The following ACSF2 variants were observed in gnomAD, a reference collection of about 807,000 sequenced individuals.
ACSF2 encodes acyl-CoA synthetase family member 2.
Under a neutral mutation model 79.3 loss-of-function variants are expected in ACSF2, and 52 were observed. That is an observed-to-expected ratio of 0.66 (90% CI 0.53 to 0.83). The LOEUF (loss-of-function observed/expected upper bound fraction) is 0.83. ACSF2 is among the 40% of genes least tolerant of loss of function. The pLI, the probability that ACSF2 is intolerant of heterozygous loss-of-function variation, is 0.00. For synonymous variants in ACSF2, 283 were observed against 312.6 expected (o/e 0.91, Z 1.00); for missense variants, 661 against 803.3 (o/e 0.82, Z 2.14).
chr17:50,439,881 A>G (rs2030754413), intron 1 of ACSF2, among the ~76,000 whole-genome samples: 1 of 152,130 alleles, frequency 6.6e-6, no homozygotes, highest in Non-Finnish European at 1.5e-5. Context: ...TTCCCTGATT[A>G]CCAGTGAGAT....
intron 1 of ACSF2, among the ~76,000 whole-genome samples, chr17:50,442,323 CAA>C (rs1491182618): frequency 1.7e-5 from 2 of 116,134 alleles, no homozygotes; most frequent in Non-Finnish European, 3.3e-5. Flanking sequence ...CAAAACAAAA[CAA>C]TTTTTTTTTT....
intron 10 of ACSF2, chr17:50,465,102 G>A (rs2032610540): frequency 8.0e-6 from 5 of 628,846 alleles, no homozygotes; most frequent in Non-Finnish European, 1.4e-5. Flanking sequence ...GATGATGCTT[G>A]AAGAAAATGG....
intron 1 of ACSF2, among the ~76,000 whole-genome samples, chr17:50,452,601 G>A (rs1326182287): frequency 6.6e-6 from 1 of 152,094 alleles, no homozygotes; most frequent in Non-Finnish European, 1.5e-5. Flanking sequence ...GTTGATAGGT[G>A]CAGCAAACCA....
At chr17:50,464,394 A>G in intron 10 of ACSF2, 100 bp downstream of exon 10, 1 of 1,221,712 alleles carries the variant, frequency 8.2e-7, no homozygotes, top group South Asian at 1.2e-5. Context: ...TTCAAAGGAG[A>G]CCCTCTCAGC....
intron 1 of ACSF2, among the ~76,000 whole-genome samples, chr17:50,451,986 T>C (rs1353679298): frequency 1.3e-5 from 2 of 152,340 alleles, no homozygotes; most frequent in South Asian, 2.1e-4. Flanking sequence ...GTGAACACAT[T>C]AGTTGCCAAC....
At chr17:50,448,056 G>A (rs1425948060) in intron 1 of ACSF2, among the ~76,000 whole-genome samples, 1 of 152,178 alleles carries the variant, frequency 6.6e-6, no homozygotes, top group East Asian at 1.9e-4. Context: ...TTAACAACGG[G>A]AACACATTCT....
intron 1 of ACSF2, among the ~76,000 whole-genome samples, chr17:50,457,271 C>G (rs935309968): frequency 1.3e-5 from 2 of 152,178 alleles, no homozygotes; most frequent in African/African-American, 4.8e-5. Context: ...CCAGACCTTC[C>G]AGGCCATCAT....
chr17:50,465,153 G>C (rs1362001543), intron 10 of ACSF2: 2 of 933,644 alleles, frequency 2.1e-6, no homozygotes, highest in Non-Finnish European at 3.2e-6. Context: ...TTCAACAGGG[G>C]ACCCAGTCGT....
chr17:50,468,552 G>T, intron 10 of ACSF2: 1 of 1,614,238 alleles, frequency 6.2e-7, no homozygotes, highest in Non-Finnish European at 8.5e-7. Flanking sequence ...GCCACCTCGC[G>T]GATCTGGCAG....
chr17:50,440,536 C>G (rs1326486490), intron 1 of ACSF2, among the ~76,000 whole-genome samples: 2 of 152,250 alleles, frequency 1.3e-5, no homozygotes, highest in African/African-American at 4.8e-5. Context: ...TCCCTGCCAA[C>G]TGTGGCTCCC....
Position 50,474,515 on chromosome 17 carries a change from A to G in ACSF2, c.1811A>G (p.Lys604Arg). 3 of 1,614,226 alleles carry G rather than the reference A, an allele frequency of 1.9e-6. No homozygotes were observed. The highest frequency in any genetic ancestry group is 1.3e-5 in the African/African-American group (1 of 75,070). The change falls in exon 16 of 16, where the codon AAA (lysine) becomes AGA (arginine). Residue 604 changes from lysine (K) to arginine (R), a missense_variant. Transcript: ENST00000300441. The surrounding 1 kb of genome is among the most constrained non-coding windows in gnomAD (Gnocchi z 4.2). ...LTISGKIQKF[K>R]LREQMERHLN... ...TCTTTCCTCTAGATCCAGAAATTCA[A>G]ACTTCGAGAGCAGATGGAACGACAT...
chr17:50,461,568 C>T (rs1250859724), intron 3 of ACSF2, 65 bp from the exon 4 acceptor site: 19 of 1,606,232 alleles, frequency 1.2e-5, no homozygotes, highest in East Asian at 1.1e-4. Context: ...CTCCTGGGGG[C>T]GGAGGGGCAG....
intron 1 of ACSF2, among the ~76,000 whole-genome samples, chr17:50,439,336 A>G (rs2030706846): frequency 6.6e-6 from 1 of 151,192 alleles, no homozygotes; most frequent in Non-Finnish European, 1.5e-5. Flanking sequence ...TGACCTCCCA[A>G]AGTGCTGGGA....
chr17:50,468,287 A>AG, intron 10 of ACSF2: 1 of 1,613,288 alleles, frequency 6.2e-7, no homozygotes. Flanking sequence ...CGACAGGTAG[A>AG]GCCAGCGCAG....
At chr17:50,451,584 G>A (rs749234506) in intron 1 of ACSF2, among the ~76,000 whole-genome samples, 1 of 152,108 alleles carries the variant, frequency 6.6e-6, no homozygotes, top group African/African-American at 2.4e-5. Flanking sequence ...CAAGTAGCTG[G>A]GATTACAGGC....
chr17:50,430,309 G>A (rs183220979), intron 1 of ACSF2, among the ~76,000 whole-genome samples: 44 of 152,286 alleles, frequency 2.9e-4, no homozygotes, highest in Admixed American at 2.6e-3. Context: ...GACTGCAACC[G>A]GGAGCATAGA....
In ACSF2 at chr17:50,474,161, G is replaced by A. The variant is rs375811286; in HGVS notation, c.1729-38G>A. Reference sequence around the variant, plus strand: ...CCTACCCATACCCCTGTGAGCTTGCGCAGCCTCACGCCTTACCTCCCTCCC... The same window carrying A: ...CCTACCCATACCCCTGTGAGCTTGCACAGCCTCACGCCTTACCTCCCTCCC... On this transcript the variant is annotated intron_variant, in intron 14 of 15. Transcript: ENST00000300441. This position sits in a 1 kb window ranked among gnomAD's most constrained non-coding sequence, Gnocchi z 4.2. 1.9e-5 allele frequency: 30 copies of A among 1,612,640 alleles called. No homozygotes were observed. Among genetic ancestry groups the A allele is most frequent in the South Asian group, 4.4e-5 (4 of 91,056 alleles).
Position 50,471,377 on chromosome 17 carries a change from C to A in ACSF2, c.1323+242C>A. Reference sequence around the variant, plus strand: ...CCAGCTGAACTTCTCCGCGGCCTCCCTTCCTGTCTGAGGTGTGTTTTTGCC... The same window carrying A: ...CCAGCTGAACTTCTCCGCGGCCTCCATTCCTGTCTGAGGTGTGTTTTTGCC... On this transcript the variant is annotated intron_variant, in intron 11 of 15. Coordinates refer to ENST00000300441, the MANE Select transcript of ACSF2 (RefSeq NM_025149.6). This position sits in a 1 kb window ranked among gnomAD's most constrained non-coding sequence, Gnocchi z 4.1. 1 of 518,834 alleles carries A rather than the reference C, an allele frequency of 1.9e-6. No homozygotes were observed. Among genetic ancestry groups the A allele is most frequent in the Non-Finnish European group, 3.5e-6 (1 of 284,946 alleles). 32.1% of individuals were successfully genotyped at this position (518,834 alleles called of 1,614,324 possible).
chr17:50,432,120 T>G (rs1379841963), intron 1 of ACSF2, among the ~76,000 whole-genome samples: 1 of 152,138 alleles, frequency 6.6e-6, no homozygotes, highest in Non-Finnish European at 1.5e-5. Flanking sequence ...AGGCTGGTCT[T>G]GAACTCCTGA....
Sources: gnomAD v4.1 joint callset for allele counts (sites outside exome capture counted in the v4.1 genomes callset) on GRCh38, gnomAD v4.1.1 for gene constraint, Gnocchi (gnomAD v3.1) non-coding constraint, MANE v1.5 for transcripts, NCBI Gene and HGNC (gene_info 2026-07-23, HGNC 2026-07-21) for gene names.